Variants in AKAP6 observed in about 807,000 individuals in gnomAD.
AKAP6 encodes A-kinase anchoring protein 6, also known as A-kinase anchor protein 6.
A neutral mutation model predicts 188.5 loss-of-function variants in AKAP6; 58 were observed. The ratio of observed to expected loss-of-function variants is 0.31; its 90% CI spans 0.25 to 0.38. The LOEUF (loss-of-function observed/expected upper bound fraction) is 0.38. Among genes scored for constraint, AKAP6 ranks in the 10% least tolerant of loss-of-function variants. The pLI is 1.00. For missense variants in AKAP6, 2,710 were observed against 2,740.0 expected (o/e 0.99, Z 0.24); for synonymous variants, 989 against 998.6 (o/e 0.99, Z 0.18).
Position 32,823,450 on chromosome 14 carries a change from G to C in AKAP6, c.5637G>C (p.Lys1879Asn). 2.5e-6 allele frequency: 4 copies of C among 1,613,298 alleles called. No homozygotes were observed. Among genetic ancestry groups the C allele is most frequent in the Non-Finnish European group, 3.4e-6 (4 of 1,179,790 alleles). Residue 1879 changes from lysine (K) to asparagine (N), a missense_variant, in exon 13 of 14, where the codon AAG becomes AAC. Coordinates refer to ENST00000280979, the MANE Select transcript of AKAP6 (RefSeq NM_004274.5). Reference protein sequence around the residue: ...THELGTKRENKKTIFKVNKDP... With the variant: ...THELGTKRENNKTIFKVNKDP... ...AGTTAGGGACAAAGCGTGAAAATAAGAAAACTATTTTCAAAGTTAATAAAG... is the reference window on the plus strand; with the variant it reads ...AGTTAGGGACAAAGCGTGAAAATAACAAAACTATTTTCAAAGTTAATAAAG...
At position 32,824,620 on chromosome 14, in the gene AKAP6, T is replaced by C; in HGVS notation, c.6807T>C (p.Asn2269=). The C allele has an allele frequency of 6.2e-7, 1 of 1,613,952 alleles. No homozygotes were observed. The highest frequency in any genetic ancestry group is 8.5e-7 in the Non-Finnish European group (1 of 1,179,930). Reference sequence around the variant, plus strand: ...AATCTGGAATGCCAGAAGAACATAATGCTGCTTCAGCCAAATCTAAAGTTC... The same window carrying C: ...AATCTGGAATGCCAGAAGAACATAACGCTGCTTCAGCCAAATCTAAAGTTC... ...PGESGMPEEH[N]AASAKSKVQD... The change falls in exon 13 of 14, where the codon AAT becomes AAC. Residue 2269 remains asparagine, a synonymous_variant. Transcript: ENST00000280979.
intron 8 of AKAP6, among the ~76,000 whole-genome samples, chr14:32,689,212 T>C (rs1890061383): frequency 6.6e-6 from 1 of 152,208 alleles, no homozygotes; most frequent in South Asian, 2.1e-4. Context: ...GATGAGCCTT[T>C]GACTTCCTGA....
chr14:32,608,850 G>A (rs1886236853), intron 7 of AKAP6, among the ~76,000 whole-genome samples: 1 of 152,254 alleles, frequency 6.6e-6, no homozygotes, highest in African/African-American at 2.4e-5. Context: ...CACATTAGAA[G>A]CATTTTGTGC....
At chr14:32,359,060 T>G (rs371127498) in intron 1 of AKAP6, among the ~76,000 whole-genome samples, 6 of 152,274 alleles carry the variant, frequency 3.9e-5, no homozygotes, top group African/African-American at 1.4e-4. Flanking sequence ...CTAACACTTA[T>G]TGGATTCTAA....
intron 4 of AKAP6, 29 bp from the exon 5 acceptor site, chr14:32,577,091 T>G (rs772477934): frequency 6.3e-7 from 1 of 1,590,008 alleles, no homozygotes; most frequent in Non-Finnish European, 8.5e-7. Context: ...TCTTGCCCCT[T>G]TTTTTCCCCT....
chr14:32,627,049 A>G (rs1311420160), intron 7 of AKAP6, among the ~76,000 whole-genome samples: 1 of 152,160 alleles, frequency 6.6e-6, no homozygotes, highest in Non-Finnish European at 1.5e-5. Context: ...ATATAAACAT[A>G]CCTGACACAC....
chr14:32,686,911 A>G (rs1889950207), intron 8 of AKAP6, among the ~76,000 whole-genome samples: 2 of 152,128 alleles, frequency 1.3e-5, no homozygotes, highest in South Asian at 4.1e-4. Flanking sequence ...CTACAGATAG[A>G]GATACAGTTG....
intron 2 of AKAP6, among the ~76,000 whole-genome samples, chr14:32,461,791 A>C (rs781381980): frequency 7.2e-5 from 11 of 152,114 alleles, no homozygotes; most frequent in Non-Finnish European, 1.2e-4. Context: ...TCTGAGCTAA[A>C]GGAGGATGTT....
chr14:32,696,847 G>C (rs1890424496), intron 9 of AKAP6, among the ~76,000 whole-genome samples: 1 of 149,760 alleles, frequency 6.7e-6, no homozygotes, highest in African/African-American at 2.4e-5. Context: ...AGCTGTCAGG[G>C]GGAGGGAAGA....
chr14:32,612,818 G>C (rs1594782451), intron 7 of AKAP6, among the ~76,000 whole-genome samples: 1 of 152,250 alleles, frequency 6.6e-6, no homozygotes, highest in East Asian at 1.9e-4. Flanking sequence ...AATATGACTT[G>C]GTAGCTGACC....
intron 1 of AKAP6, among the ~76,000 whole-genome samples, chr14:32,337,985 A>T (rs1412255476): frequency 6.6e-6 from 1 of 151,884 alleles, no homozygotes; most frequent in Admixed American, 6.6e-5. Context: ...GCATCACTGC[A>T]CTCCAGCCTG....
chr14:32,666,312 C>G (rs1327705700), intron 7 of AKAP6, among the ~76,000 whole-genome samples: 2 of 151,694 alleles, frequency 1.3e-5, no homozygotes, highest in Non-Finnish European at 2.9e-5. Context: ...GTATTTTCTC[C>G]TTTTTAAATA....
At chr14:32,801,667 A>C (rs114859537) in intron 12 of AKAP6, among the ~76,000 whole-genome samples, 12 of 152,296 alleles carry the variant, frequency 7.9e-5, no homozygotes, top group African/African-American at 2.9e-4. Context: ...AACTATTTTT[A>C]ATATTTTTTG....
rs182742209 is a variant in AKAP6, at chr14:32,428,179, A to G, written c.-34-5281A>G. ...AAGATTGCTGGGGTTTTTGAGAGTA[A>G]AGTCTTGATTCTTCTGAACCATGAC... On this transcript the variant is annotated intron_variant, in intron 1 of 13. Coordinates refer to ENST00000280979, the MANE Select transcript of AKAP6 (RefSeq NM_004274.5). 2.4e-3 allele frequency among the ~76,000 whole-genome samples: 359 copies of G among 152,194 alleles called. 2 individuals are homozygous for G. The highest frequency in any genetic ancestry group is 7.8e-3 in the African/African-American group (325 of 41,546).
intron 5 of AKAP6, among the ~76,000 whole-genome samples, chr14:32,580,937 T>G (rs1332098814): frequency 2.0e-5 from 3 of 152,214 alleles, no homozygotes; most frequent in African/African-American, 7.2e-5. Context: ...CACATTTTCT[T>G]AATCCAGTCT....
intron 11 of AKAP6, among the ~76,000 whole-genome samples, chr14:32,739,910 A>T (rs984465135): frequency 6.6e-6 from 1 of 152,120 alleles, no homozygotes; most frequent in African/African-American, 2.4e-5. Flanking sequence ...TTGTTGGATC[A>T]TATGGTAGCT....
At chr14:32,392,767 C>G (rs894331048) in intron 1 of AKAP6, among the ~76,000 whole-genome samples, 11 of 151,968 alleles carry the variant, frequency 7.2e-5, no homozygotes, top group Non-Finnish European at 1.5e-4. Context: ...AAATTGAAAA[C>G]AAATTTGAGC....
chr14:32,369,552 T>C (rs1157028024), intron 1 of AKAP6, among the ~76,000 whole-genome samples: 1 of 152,234 alleles, frequency 6.6e-6, no homozygotes. Context: ...ATCCTTTTGA[T>C]CCTGGGTCAC....
chr14:32,564,810 C>G (rs1318081776), intron 4 of AKAP6, among the ~76,000 whole-genome samples: 1 of 152,224 alleles, frequency 6.6e-6, no homozygotes, highest in Non-Finnish European at 1.5e-5. Context: ...ATCTTGCAAG[C>G]TTGTCACAAA....
Sources: allele counts gnomAD v4.1 joint callset (sites outside exome capture counted in the v4.1 genomes callset), GRCh38; gene constraint gnomAD v4.1.1; transcripts MANE v1.5; gene names NCBI Gene and HGNC (gene_info 2026-07-23, HGNC 2026-07-21).